LHFPL1: variants seen among roughly 807,000 people sequenced by gnomAD.
LHFPL1 encodes LHFPL tetraspan subfamily member 1.
In LHFPL1, 4 loss-of-function variants were observed where a neutral mutation model predicts 12.1. The observed-to-expected ratio is 0.33, with a 90% CI of 0.16 to 0.76. The LOEUF is 0.76. LHFPL1 is among the 30% of genes least tolerant of loss of function. LHFPL1 has a pLI of 0.61. For synonymous variants in LHFPL1, 52 were observed against 61.9 expected (o/e 0.84, Z 0.75); for missense variants, 141 against 174.1 (o/e 0.81, Z 1.07).
chrX:112,677,881 T>C, intron 1 of LHFPL1, among the ~76,000 whole-genome samples: 1 of 111,126 alleles, frequency 9.0e-6, no homozygotes, highest in Middle Eastern at 4.6e-3. Flanking sequence ...TCCTCAGATT[T>C]CATGTTTGCT....
At chrX:112,672,645 G>A (rs913480739) in intron 1 of LHFPL1, among the ~76,000 whole-genome samples, 2 of 111,223 alleles carry the variant, frequency 1.8e-5, no homozygotes, top group Non-Finnish European at 3.8e-5. Flanking sequence ...CAGGGGAAGC[G>A]CAGGAACTGG....
intron 3 of LHFPL1, 51 bp downstream of exon 3, chrX:112,660,576 G>A: frequency 9.5e-7 from 1 of 1,048,580 alleles, no homozygotes; most frequent in South Asian, 1.9e-5. Flanking sequence ...AAGCACTTTG[G>A]AAAACACATT....
At chrX:112,638,018 A>G (rs889349542) in intron 3 of LHFPL1, among the ~76,000 whole-genome samples, 4 of 111,460 alleles carry the variant, frequency 3.6e-5, no homozygotes, top group African/African-American at 1.3e-4. Flanking sequence ...AGGGTCAGGC[A>G]AGAAGGGAAA....
intron 3 of LHFPL1, among the ~76,000 whole-genome samples, chrX:112,651,553 T>G (rs1160733161): frequency 8.9e-6 from 1 of 111,978 alleles, no homozygotes; most frequent in Non-Finnish European, 1.9e-5. Context: ...TTCCTTCTCT[T>G]TTCTCAATCC....
rs182314975 is a variant in LHFPL1 at position 112,637,803 on chromosome X, G to C, written c.482-6202C>G. 5.7e-3 allele frequency among the ~76,000 whole-genome samples: 642 copies of C among 112,013 alleles called. 5 individuals carry two copies. The highest frequency in any genetic ancestry group is 0.019 in the African/African-American group (598 of 30,821). ...ACACCTCCAAAACTGAATAGGGCTA[G>C]ATGAAATGTAATGGAACCTTCAGAT... On this transcript the variant is annotated intron_variant, in intron 3 of 3. Transcript: ENST00000371968.
chrX:112,656,647 T>C (rs1301735141), intron 3 of LHFPL1, among the ~76,000 whole-genome samples: 1 of 112,346 alleles, frequency 8.9e-6, no homozygotes, highest in African/African-American at 3.2e-5. Flanking sequence ...GTTATTAGAA[T>C]TAATAAAGGA....
intron 3 of LHFPL1, among the ~76,000 whole-genome samples, chrX:112,631,905 T>A (rs751119646): frequency 8.9e-6 from 1 of 111,809 alleles, no homozygotes; most frequent in South Asian, 3.8e-4. Flanking sequence ...AACAACTTGA[T>A]AAGATGTCAA....
At chrX:112,661,817 T>C (rs536768706) in intron 2 of LHFPL1, 3 of 112,305 alleles carry the variant, frequency 2.7e-5, no homozygotes, top group Non-Finnish European at 3.8e-5. Flanking sequence ...AGTTAACAGA[T>C]AATGCAGAAG....
intron 3 of LHFPL1, among the ~76,000 whole-genome samples, chrX:112,632,850 C>G (rs1205511697): frequency 3.6e-5 from 4 of 110,981 alleles, no homozygotes; most frequent in African/African-American, 1.3e-4. Context: ...TTTCCCATCT[C>G]AGAAATAAAA....
chrX:112,666,449 T>C (rs1198502028), intron 2 of LHFPL1, among the ~76,000 whole-genome samples: 3 of 111,101 alleles, frequency 2.7e-5, no homozygotes, highest in Non-Finnish European at 5.7e-5. Context: ...TAGGTAGATA[T>C]TTACAGGGAG....
chrX:112,649,988 A>AG (rs1556060983), intron 3 of LHFPL1, among the ~76,000 whole-genome samples: 26 of 108,576 alleles, frequency 2.4e-4, no homozygotes, highest in South Asian at 1.2e-3. Flanking sequence ...GAAAAAAAAA[A>AG]AAGTATATAG....
chrX:112,671,248 C>T lies in LHFPL1; in HGVS notation c.143G>A (p.Arg48Gln), dbSNP rs368357427. The change falls in exon 2 of 4, where the codon CGG becomes CAG. Residue 48 changes from arginine to glutamine, a missense_variant. By Grantham distance (43) the Arg-to-Gln change is conservative. Transcript: ENST00000371968. ...MGKPVSFSTF[R>Q]RCNYPVRGEG... ...TCCCCGCACAGGGTAGTTGCACCTC[C>T]GGAATGTGCTGAATGACACTGGCTT... The T allele has an allele frequency of 9.9e-6, 12 of 1,210,454 alleles. No individual in the cohort carries two copies. Among genetic ancestry groups the T allele is most frequent in the East Asian group, 3.0e-5 (1 of 33,782 alleles).
intron 3 of LHFPL1, among the ~76,000 whole-genome samples, chrX:112,639,665 C>T (rs998067812): frequency 6.2e-5 from 7 of 112,468 alleles, no homozygotes; most frequent in African/African-American, 2.3e-4. Context: ...TCCGACCTTT[C>T]CTCATGTTTT....
chrX:112,642,544 G>A lies in LHFPL1; in HGVS notation c.482-10943C>T, dbSNP rs1379420246. On this transcript the variant is annotated intron_variant, in intron 3 of 3. Transcript: ENST00000371968. ...CTGACTTTACTGCCATCGTGTGGTCGTCTCATGCATAGACAACTGGCTCAC... is the reference window on the plus strand; with the variant it reads ...CTGACTTTACTGCCATCGTGTGGTCATCTCATGCATAGACAACTGGCTCAC... Among the ~76,000 whole-genome samples the A allele has an allele frequency of 4.7e-5, 5 of 106,569 alleles. No individual in the cohort carries two copies. In the East Asian group the frequency reaches 9.2e-4, roughly 20 times the overall value. 92.5% of individuals were successfully genotyped at this position (106,569 alleles called of 115,157 possible).
At chrX:112,671,721 T>C (rs376844450) in intron 1 of LHFPL1, among the ~76,000 whole-genome samples, 4 of 111,975 alleles carry the variant, frequency 3.6e-5, no homozygotes, top group East Asian at 5.6e-4. Context: ...CAGACAGCTT[T>C]TAACTCTTGA....
chrX:112,666,430 T>C (rs1290712188), intron 2 of LHFPL1, among the ~76,000 whole-genome samples: 3 of 111,320 alleles, frequency 2.7e-5, no homozygotes, highest in African/African-American at 9.8e-5. Context: ...GGACCTGGCC[T>C]TTGAGAGATA....
Position 112,630,982 on chromosome X carries a change from A to G in LHFPL1, c.*438T>C, listed in dbSNP as rs1930171477. ...AAGGAAGAGCCAAGGTATACTCCTGATAACGACACAAAAATTGAGCAGTAG... is the reference window on the plus strand; with the variant it reads ...AAGGAAGAGCCAAGGTATACTCCTGGTAACGACACAAAAATTGAGCAGTAG... On this transcript the variant is annotated 3_prime_UTR_variant, in exon 4 of 4. Transcript: ENST00000371968. 1 of 113,410 alleles carries G rather than the reference A, an allele frequency of 8.8e-6. No individual in the cohort carries two copies. Among genetic ancestry groups the G allele is most frequent in the African/African-American group, 3.3e-5 (1 of 30,676 alleles). 9.3% of individuals were successfully genotyped at this position (113,410 alleles called of 1,213,427 possible).
Position 112,671,190 on chromosome X carries a change from A to G in LHFPL1, c.201T>C (p.Cys67=). ...EGHSLIMVEE[C]GRYASFNAIP... ...TGGCATTGAAGCTGGCATAGCGCCC[A>G]CATTCTTCCACCATGATCAGACTGT... Residue 67 remains cysteine (C), a synonymous_variant, in exon 2 of 4, where the codon TGT becomes TGC. Coordinates refer to ENST00000371968, the MANE Select transcript of LHFPL1 (RefSeq NM_178175.4). 1 of 1,211,945 alleles carries G rather than the reference A, an allele frequency of 8.3e-7. No homozygotes were observed. The highest frequency in any genetic ancestry group is 1.1e-6 in the Non-Finnish European group (1 of 895,561).
At chrX:112,642,925 C>A (rs1003504829) in intron 3 of LHFPL1, among the ~76,000 whole-genome samples, 1 of 110,579 alleles carries the variant, frequency 9.0e-6, no homozygotes, top group South Asian at 3.9e-4. Flanking sequence ...GGTAAATTAG[C>A]TTTCTAATCT....
Sources: gnomAD v4.1 joint callset for allele counts (sites outside exome capture counted in the v4.1 genomes callset) on GRCh38, gnomAD v4.1.1 for gene constraint, MANE v1.5 for transcripts, NCBI Gene and HGNC (gene_info 2026-07-23, HGNC 2026-07-21) for gene names.